Variants in PLD5 observed in about 807,000 individuals in gnomAD.
PLD5 encodes the protein inactive phospholipase D5.
In PLD5, 36 loss-of-function variants were observed where a neutral mutation model predicts 61.1. The observed-to-expected ratio is 0.59, with a 90% CI of 0.45 to 0.78. PLD5 has a LOEUF of 0.78. Ranked by LOEUF, PLD5 falls within the 30% of genes least tolerant of loss-of-function variation. The pLI is 0.00. For synonymous variants in PLD5, 243 were observed against 242.8 expected, an observed-to-expected ratio of 1.00 and a Z score of -0.01; for missense variants, 515 against 644.4, an observed-to-expected ratio of 0.80 and a Z score of 2.17.
chr1:242,415,004 C>A (rs988330073), intron 1 of PLD5, among the ~76,000 whole-genome samples: 4 of 152,198 alleles, frequency 2.6e-5, no homozygotes, highest in Non-Finnish European at 4.4e-5. Flanking sequence ...AAAAAGGATT[C>A]AATTTCATTC....
At chr1:242,147,775 T>C (rs1664639156) in intron 5 of PLD5, among the ~76,000 whole-genome samples, 1 of 152,196 alleles carries the variant, frequency 6.6e-6, no homozygotes, top group African/African-American at 2.4e-5. Flanking sequence ...ATGACTAATT[T>C]TGTTGAAGGT....
intron 3 of PLD5, among the ~76,000 whole-genome samples, chr1:242,282,178 A>G (rs1443996355): frequency 6.6e-6 from 1 of 152,190 alleles, no homozygotes; most frequent in Non-Finnish European, 1.5e-5. Flanking sequence ...ACACTGTTCT[A>G]TCCTCTTCAC....
At position 242,347,780 on chromosome 1, in the gene PLD5, A is replaced by T. The variant is rs375521062; in HGVS notation, c.326+326T>A. Among the ~76,000 whole-genome samples the T allele has an allele frequency of 5.9e-5, 9 of 152,302 alleles. No individual in the cohort carries two copies. The East Asian group carries it at 1.7e-3, about 29-fold the overall frequency. On this transcript the variant is annotated intron_variant, in intron 2 of 9. Transcript: ENST00000536534. The stretch of plus-strand genomic sequence containing the variant: ...ACAACTAGCACAGCGTTCTTTGTCC[A>T]TTGGGGCACTCCTTTTTACAGGCTC...
intron 5 of PLD5, among the ~76,000 whole-genome samples, chr1:242,131,170 G>T (rs1176349024): frequency 6.6e-6 from 1 of 152,162 alleles, no homozygotes; most frequent in Non-Finnish European, 1.5e-5. Context: ...GCTGGGCATG[G>T]TGGCTTGTGC....
Position 242,442,449 on chromosome 1 carries a change from C to T in PLD5, c.189+81639G>A, listed in dbSNP as rs532239595. ...ACTGTTACATAAATGGGATTATTCG[C>T]TTCTTTTTTAAAACAAAAAATAAAG... is the stretch of plus-strand genomic sequence containing the variant. On this transcript the variant is annotated intron_variant, in intron 1 of 9. Transcript: ENST00000536534. Among the ~76,000 whole-genome samples the T allele has an allele frequency of 2.6e-5, 4 of 152,254 alleles. No homozygotes were observed. The East Asian group carries it at 5.8e-4, about 22-fold the overall frequency.
intron 4 of PLD5, among the ~76,000 whole-genome samples, chr1:242,252,391 G>A (rs1420814916): frequency 6.6e-6 from 1 of 152,164 alleles, no homozygotes; most frequent in African/African-American, 2.4e-5. Flanking sequence ...GCTACTCCAG[G>A]CAAGGCAGGA....
At chr1:242,128,628 T>C (rs1662992390) in intron 5 of PLD5, among the ~76,000 whole-genome samples, 1 of 152,184 alleles carries the variant, frequency 6.6e-6, no homozygotes, top group Non-Finnish European at 1.5e-5. Flanking sequence ...TATGATAGGA[T>C]GTGATTATTC....
At chr1:242,133,659 T>A (rs1022298222) in intron 5 of PLD5, among the ~76,000 whole-genome samples, 1 of 152,194 alleles carries the variant, frequency 6.6e-6, no homozygotes, top group Non-Finnish European at 1.5e-5. Flanking sequence ...CTGTAGTCAA[T>A]GCTTCATCTT....
At chr1:242,315,854 C>T (rs1379489519) in intron 2 of PLD5, among the ~76,000 whole-genome samples, 1 of 152,138 alleles carries the variant, frequency 6.6e-6, no homozygotes, top group African/African-American at 2.4e-5. Context: ...CTTTAAGACT[C>T]CACTTACCTC....
chr1:242,352,282 C>T (rs1660521549), intron 1 of PLD5, among the ~76,000 whole-genome samples: 1 of 152,188 alleles, frequency 6.6e-6, no homozygotes, highest in Admixed American at 6.6e-5. Context: ...TTTTATATTC[C>T]ACATATAAGT....
chr1:242,455,308 A>C (rs1212098423), intron 1 of PLD5, among the ~76,000 whole-genome samples: 2 of 152,024 alleles, frequency 1.3e-5, no homozygotes, highest in Non-Finnish European at 2.9e-5. Flanking sequence ...GACTTTCATC[A>C]CATGGAGCTC....
intron 2 of PLD5, among the ~76,000 whole-genome samples, chr1:242,338,911 C>T (rs1438172449): frequency 5.3e-5 from 8 of 152,132 alleles, no homozygotes; most frequent in Non-Finnish European, 2.9e-5. Flanking sequence ...ATCAAGCTAT[C>T]TCCCATTTCC....
intron 5 of PLD5, among the ~76,000 whole-genome samples, chr1:242,140,293 A>G (rs1315259356): frequency 1.3e-5 from 2 of 152,214 alleles, no homozygotes; most frequent in African/African-American, 4.8e-5. Context: ...AGAAAGTCTG[A>G]GAGTTCCTGC....
At chr1:242,407,716 T>C (rs1023840752) in intron 1 of PLD5, among the ~76,000 whole-genome samples, 8 of 151,936 alleles carry the variant, frequency 5.3e-5, no homozygotes, top group African/African-American at 1.7e-4. Flanking sequence ...GTAGCTGGGA[T>C]TATAGGTGCG....
At chr1:242,106,957 C>G (rs937742424) in intron 8 of PLD5, among the ~76,000 whole-genome samples, 2 of 152,176 alleles carry the variant, frequency 1.3e-5, no homozygotes, top group Admixed American at 1.3e-4. Context: ...TAGAGTCAAA[C>G]ATGACCTAGA....
chr1:242,373,263 C>A lies in PLD5; in HGVS notation c.190-25021G>T, dbSNP rs150807137. On this transcript the variant is annotated intron_variant, in intron 1 of 9. Transcript: ENST00000536534. ...AACCACAATGAGATACCATCTCATA[C>A]CAGTTAGAATGGCGATCATTAAAAA... Among the ~76,000 whole-genome samples, 1,092 of 152,198 alleles carry A rather than the reference C, an allele frequency of 7.2e-3. 12 individuals are homozygous for A. The highest frequency in any genetic ancestry group is 0.025 in the African/African-American group (1,046 of 41,488).
intron 3 of PLD5, among the ~76,000 whole-genome samples, chr1:242,280,449 A>G (rs1458923967): frequency 6.6e-6 from 1 of 151,912 alleles, no homozygotes; most frequent in Non-Finnish European, 1.5e-5. Flanking sequence ...TACGTGTTTT[A>G]TTTTTCCCTA....
chr1:242,400,580 A>G (rs2149277765), intron 1 of PLD5, among the ~76,000 whole-genome samples: 1 of 152,310 alleles, frequency 6.6e-6, no homozygotes, highest in Non-Finnish European at 1.5e-5. Flanking sequence ...TATACACAAA[A>G]GCCTCTTGCC....
intron 1 of PLD5, among the ~76,000 whole-genome samples, chr1:242,455,477 C>G (rs1399710648): frequency 6.6e-6 from 1 of 152,224 alleles, no homozygotes; most frequent in Non-Finnish European, 1.5e-5. Context: ...GAAGTGAAAT[C>G]TCCTTATTAA....
Sources: allele counts gnomAD v4.1 joint callset (sites outside exome capture counted in the v4.1 genomes callset), GRCh38; gene constraint gnomAD v4.1.1; transcripts MANE v1.5; gene names NCBI Gene and HGNC (gene_info 2026-07-23, HGNC 2026-07-21).